The following FGF1 variants were observed in gnomAD, a reference collection of about 807,000 sequenced individuals.
The protein encoded by FGF1 is beta-endothelial cell growth factor.
In FGF1, 9 loss-of-function variants were observed where a neutral mutation model predicts 13.4. That is an observed-to-expected ratio of 0.67 (90% CI 0.40 to 1.17). FGF1 has a LOEUF of 1.17. Ranked by LOEUF, FGF1 falls within the 50% of genes most tolerant of loss-of-function variation. The pLI is 0.01. For missense variants in FGF1, 156 were observed against 192.7 expected, an observed-to-expected ratio of 0.81 and a Z score of 1.13; for synonymous variants, 93 against 79.0, an observed-to-expected ratio of 1.18 and a Z score of -0.94.
intron 1 of FGF1, among the ~76,000 whole-genome samples, chr5:142,656,578 A>G (rs1255670089): frequency 6.6e-6 from 1 of 152,242 alleles, no homozygotes; most frequent in East Asian, 1.9e-4. Context: ...GTGCCCAAAC[A>G]TCAATGCATG....
At chr5:142,679,376 T>C (rs1393163423) in intron 1 of FGF1, among the ~76,000 whole-genome samples, 1 of 152,212 alleles carries the variant, frequency 6.6e-6, no homozygotes, top group East Asian at 1.9e-4. Flanking sequence ...CACCTCCTCA[T>C]GGAAGCTTTC....
chr5:142,599,931 C>G (rs1032266005), intron 3 of FGF1, among the ~76,000 whole-genome samples: 1 of 152,226 alleles, frequency 6.6e-6, no homozygotes, highest in Admixed American at 6.5e-5. Flanking sequence ...AGTTATTAAG[C>G]TTTCTATCCT....
Position 142,647,076 on chromosome 5 carries a change from G to C in FGF1, c.-34-32915C>G, listed in dbSNP as rs111947776. 8.5e-3 allele frequency among the ~76,000 whole-genome samples: 1,299 copies of C among 152,316 alleles called. 22 individuals are homozygous for C. Among genetic ancestry groups the C allele is most frequent in the African/African-American group, 0.029 (1,218 of 41,562 alleles). Reference sequence around the variant, plus strand: ...CCCACAGAAAGAAAAGTGGTGAAGAGAGGGAGGGGAAGGGTGGCAGAGTAT... The same window carrying C: ...CCCACAGAAAGAAAAGTGGTGAAGACAGGGAGGGGAAGGGTGGCAGAGTAT... On this transcript the variant is annotated intron_variant, in intron 1 of 3. Transcript: ENST00000337706.
chr5:142,688,158 T>G (rs1023294188), upstream of FGF1, among the ~76,000 whole-genome samples: 2 of 152,234 alleles, frequency 1.3e-5, no homozygotes, highest in Non-Finnish European at 2.9e-5. Flanking sequence ...CATATGCTAA[T>G]TTATCTACTG....
At position 142,595,267 on chromosome 5, in the gene FGF1, G is replaced by T. The variant is rs1230166988; in HGVS notation, c.*23C>A. 1 of 1,605,794 alleles carries T rather than the reference G, an allele frequency of 6.2e-7. No individual in the cohort carries two copies. The highest frequency in any genetic ancestry group is 1.7e-5 in the Admixed American group (1 of 59,050). On this transcript the variant is annotated 3_prime_UTR_variant, in exon 4 of 4. Transcript: ENST00000337706. ...GACCCCTCGAAACTTCTCTGGAGTG[G>T]TCAACACCCAGAACAGATCTCTTTA...
Position 142,595,234 on chromosome 5 carries a change from C to A in FGF1, c.*56G>T. ...GTCAAGGGAACATTTTTGGGTCAAC[C>A]AGGTGAGGACCCCTCGAAACTTCTC... On this transcript the variant is annotated 3_prime_UTR_variant, in exon 4 of 4. Coordinates refer to ENST00000337706, the MANE Select transcript of FGF1 (RefSeq NM_000800.5). 6.7e-7 allele frequency: 1 copy of A among 1,488,376 alleles called. No homozygotes were observed. The highest frequency in any genetic ancestry group is 9.2e-7 in the Non-Finnish European group (1 of 1,092,274). The allele number at this position is 1,488,376 out of a possible 1,614,324, so 92.2% of individuals were successfully genotyped here. A position where few individuals can be genotyped will look rare whatever the true frequency, so the allele number is the denominator to read the frequency against.
chr5:142,602,025 CA>C (rs1278242107), intron 2 of FGF1, among the ~76,000 whole-genome samples: 3 of 152,168 alleles, frequency 2.0e-5, no homozygotes, highest in Non-Finnish European at 4.4e-5. Flanking sequence ...GACCAGGAAC[CA>C]GTGGCTGCCC....
chr5:142,620,340 C>A (rs192024344), intron 1 of FGF1, among the ~76,000 whole-genome samples: 392 of 152,192 alleles, frequency 2.6e-3, no homozygotes, highest in African/African-American at 9.0e-3. Context: ...ATGGTGTGAA[C>A]CCAGGAGGCG....
At chr5:142,661,803 A>C (rs1361116462) in intron 1 of FGF1, among the ~76,000 whole-genome samples, 2 of 152,154 alleles carry the variant, frequency 1.3e-5, no homozygotes, top group African/African-American at 4.8e-5. Context: ...GGAGATTGAG[A>C]CCATCCTGGC....
intron 2 of FGF1, among the ~76,000 whole-genome samples, chr5:142,609,723 G>A (rs927987178): frequency 6.6e-6 from 1 of 152,356 alleles, no homozygotes; most frequent in Non-Finnish European, 1.5e-5. Flanking sequence ...GAAGAATGAT[G>A]ATCAATACCA....
In FGF1 at chr5:142,608,542, C is replaced by CTATA. The variant is rs369107817; in HGVS notation, c.169+5413_169+5416dup. Among the ~76,000 whole-genome samples, 586 of 75,790 alleles carry CTATA rather than the reference C, an allele frequency of 7.7e-3. 4 individuals carry two copies. The highest frequency in any genetic ancestry group is 0.012 in the Non-Finnish European group (424 of 36,246). The allele number at this position is 75,790 out of a possible 152,430, so 49.7% of individuals were successfully genotyped here. A position where few individuals can be genotyped will look rare whatever the true frequency, so the allele number is the denominator to read the frequency against. On this transcript the variant is annotated intron_variant, in intron 2 of 3. Transcript: ENST00000337706. ...CATATATATAAATATATATACACATCTATATATATATATATATATATATAT... is the reference window on the plus strand; with the variant it reads ...CATATATATAAATATATATACACATCTATATATATATATATATATATATATATAT...
chr5:142,604,460 T>C (rs1041903799), intron 2 of FGF1, among the ~76,000 whole-genome samples: 1 of 152,184 alleles, frequency 6.6e-6, no homozygotes, highest in African/African-American at 2.4e-5. Context: ...ATAAACAGTA[T>C]AAAATTAAAG....
At chr5:142,618,253 G>A (rs1470019477) in intron 1 of FGF1, among the ~76,000 whole-genome samples, 1 of 152,154 alleles carries the variant, frequency 6.6e-6, no homozygotes, top group Non-Finnish European at 1.5e-5. Flanking sequence ...TGGAACATCT[G>A]TGTTAAGGCT....
At chr5:142,612,071 G>T (rs950441997) in intron 2 of FGF1, among the ~76,000 whole-genome samples, 2 of 152,154 alleles carry the variant, frequency 1.3e-5, no homozygotes, top group East Asian at 1.9e-4. Context: ...GAGGGTGAAA[G>T]GTGCAGTTGC....
At chr5:142,693,993 T>C (rs1408271020) in intron 2 of FGF1, among the ~76,000 whole-genome samples, 2 of 152,118 alleles carry the variant, frequency 1.3e-5, no homozygotes. Context: ...CAAGTTTTTG[T>C]GTGAACATGT....
At chr5:142,598,885 AAGC>A (rs1364206214) in intron 3 of FGF1, among the ~76,000 whole-genome samples, 1 of 152,188 alleles carries the variant, frequency 6.6e-6, no homozygotes, top group Admixed American at 6.5e-5. Flanking sequence ...ATATAAGTGA[AAGC>A]AGGTTACAAT....
At chr5:142,612,322 C>G (rs140745635) in intron 2 of FGF1, among the ~76,000 whole-genome samples, 47 of 152,162 alleles carry the variant, frequency 3.1e-4, no homozygotes, top group Non-Finnish European at 5.9e-4. Context: ...AGTATTGGAG[C>G]CTTTTTTTAC....
In FGF1 at chr5:142,592,955, AACCAG is replaced by A. The variant is rs1488352145; in HGVS notation, c.*2330_*2334del. ...TGCCCTGGGAGAAGATACAGCAGCA[AACCAG>A]ACAGACAAGGTCCCCAGTATCCAGT... On this transcript the variant is annotated 3_prime_UTR_variant, in exon 4 of 4. Transcript: ENST00000337706. 6.6e-6 allele frequency: 1 copy of A among 152,316 alleles called. No homozygotes were observed. The highest frequency in any genetic ancestry group is 6.5e-5 in the Admixed American group (1 of 15,286). 9.4% of individuals were successfully genotyped at this position (152,316 alleles called of 1,614,324 possible).
intron 1 of FGF1, among the ~76,000 whole-genome samples, chr5:142,640,629 C>T (rs969107424): frequency 6.6e-6 from 1 of 151,992 alleles, no homozygotes; most frequent in Admixed American, 6.6e-5. Flanking sequence ...GCAAGAGACT[C>T]GAAATAATCC....
Sources: gnomAD v4.1 joint callset for allele counts (sites outside exome capture counted in the v4.1 genomes callset) on GRCh38, gnomAD v4.1.1 for gene constraint, MANE v1.5 for transcripts, NCBI Gene and HGNC (gene_info 2026-07-23, HGNC 2026-07-21) for gene names.